The following RNF216 variants were observed in gnomAD, a reference collection of about 807,000 sequenced individuals.
The protein encoded by RNF216 is ring finger protein 216.
In RNF216, 72 loss-of-function variants were observed where a neutral mutation model predicts 110.8. The ratio of observed to expected loss-of-function variants is 0.65; its 90% confidence interval spans 0.54 to 0.79. The LOEUF (loss-of-function observed/expected upper bound fraction) is 0.79, where lower values mean the gene tolerates loss of function less well. RNF216 is among the 30% of genes least tolerant of loss of function. RNF216 has a pLI of 0.00. For missense variants in RNF216, 1,342 were observed against 1,141.2 expected, an observed-to-expected ratio of 1.18 and a Z score of -2.54; for synonymous variants, 495 against 407.5, an observed-to-expected ratio of 1.21 and a Z score of -2.59.
chr7:5,718,664 C>T (rs1411937187), intron 9 of RNF216, among the ~76,000 whole-genome samples: 1 of 151,742 alleles, frequency 6.6e-6, no homozygotes, highest in Admixed American at 6.6e-5. Flanking sequence ...AATTCTCGTG[C>T]CTCATCCTCC....
In RNF216 at chr7:5,623,028, GGGAGGCA is replaced by G. The variant is rs1562762972; in HGVS notation, c.2597_2603del (p.Leu866ProfsTer90). ...GGAAGTTGTTGAACACAGGCCGCAC[GGGAGGCA>G]GGGGGAAGGGTGGGTGCGCGAAGGC... On this transcript the variant is annotated frameshift_variant, in exon 17 of 17. Transcript: ENST00000389902. LOFTEE classifies it high-confidence loss of function. The G allele has an allele frequency of 6.2e-7, 1 of 1,614,064 alleles. No individual in the cohort carries two copies. Among genetic ancestry groups the G allele is most frequent in the Admixed American group, 1.7e-5 (1 of 60,008 alleles).
chr7:5,702,778 C>T (rs1456110089), intron 13 of RNF216, among the ~76,000 whole-genome samples: 1 of 152,150 alleles, frequency 6.6e-6, no homozygotes, highest in African/African-American at 2.4e-5. Flanking sequence ...AGTACTCAGA[C>T]ACAAGTAGAG....
At position 5,752,902 on chromosome 7, in the gene RNF216, G is replaced by T; in HGVS notation, c.145C>A (p.Pro49Thr). The part of the protein sequence containing the change: ...DEERIPMLVT[P>T]APQQHEEEDL... ...TCTTCTTCATGCTGCTGAGGAGCTGGGGTGACCAGCATTGGAATCCTTTCC... is the reference window on the plus strand; with the variant it reads ...TCTTCTTCATGCTGCTGAGGAGCTGTGGTGACCAGCATTGGAATCCTTTCC... The change falls in exon 3 of 17, where the codon CCA becomes ACA. Residue 49 changes from proline (P) to threonine (T), a missense_variant. Physicochemically the swap from Pro to Thr is conservative, Grantham distance 38. Coordinates refer to ENST00000389902, the MANE Select transcript of RNF216 (RefSeq NM_207111.4). The T allele has an allele frequency of 6.2e-7, 1 of 1,612,210 alleles. No individual in the cohort carries two copies. The highest frequency in any genetic ancestry group is 8.5e-7 in the Non-Finnish European group (1 of 1,179,262).
intron 3 of RNF216, among the ~76,000 whole-genome samples, chr7:5,749,839 T>C (rs1460748709): frequency 6.6e-6 from 1 of 152,184 alleles, no homozygotes; most frequent in Non-Finnish European, 1.5e-5. Flanking sequence ...ACAGCAAAAA[T>C]TAATTACATG....
chr7:5,656,687 G>T (rs926999508), intron 13 of RNF216, among the ~76,000 whole-genome samples: 1 of 152,154 alleles, frequency 6.6e-6, no homozygotes, highest in African/African-American at 2.4e-5. Flanking sequence ...AATACATTAA[G>T]GTGTTTTGGC....
intron 13 of RNF216, among the ~76,000 whole-genome samples, chr7:5,684,824 T>A (rs1466635484): frequency 6.7e-6 from 1 of 148,468 alleles, no homozygotes; most frequent in East Asian, 2.0e-4. Flanking sequence ...ATGACATGCC[T>A]CACATTTTTA....
chr7:5,724,614 C>G (rs1793637882), intron 8 of RNF216, among the ~76,000 whole-genome samples: 2 of 152,186 alleles, frequency 1.3e-5, no homozygotes, highest in Non-Finnish European at 1.5e-5. Flanking sequence ...AAGGGATTTT[C>G]TTTTAGAGCC....
chr7:5,641,503 A>C, intron 14 of RNF216, 127 bp from the exon 15 acceptor site: 1 of 753,438 alleles, frequency 1.3e-6, no homozygotes, highest in Non-Finnish European at 2.1e-6. Context: ...TTAAACAGTG[A>C]AAAGAGCCTA....
At chr7:5,774,233 C>T (rs754427225) in intron 1 of RNF216, among the ~76,000 whole-genome samples, 3 of 152,158 alleles carry the variant, frequency 2.0e-5, no homozygotes, top group Non-Finnish European at 4.4e-5. Context: ...TGTTCAATCT[C>T]CTAGGCCAAT....
intron 5 of RNF216, among the ~76,000 whole-genome samples, chr7:5,734,824 C>CT (rs1478609646): frequency 1.3e-3 from 49 of 37,774 alleles, no homozygotes; most frequent in Admixed American, 9.4e-3. Flanking sequence ...AACTCTCTCT[C>CT]AAAATAAATA....
At chr7:5,632,256 C>A (rs190980960) in intron 15 of RNF216, among the ~76,000 whole-genome samples, 49 of 152,362 alleles carry the variant, frequency 3.2e-4, no homozygotes, top group African/African-American at 1.2e-3. Context: ...CATGACAGAC[C>A]ATGGTGCATC....
At chr7:5,762,779 G>C (rs1796001477) in intron 1 of RNF216, among the ~76,000 whole-genome samples, 1 of 152,046 alleles carries the variant, frequency 6.6e-6, no homozygotes, top group Non-Finnish European at 1.5e-5. Flanking sequence ...ACTATTTCTG[G>C]GTAAGGGAGA....
rs1796499063 is a variant in RNF216, at chr7:5,771,641, C to CA, written c.-70+9899dup. Among the ~76,000 whole-genome samples the CA allele has an allele frequency of 2.0e-5, 3 of 151,634 alleles. No homozygotes were observed. In the East Asian group the frequency reaches 5.9e-4, roughly 30 times the overall value. The stretch of plus-strand genomic sequence containing the variant: ...GCAAAACCCATTTCTACAAAAAAAG[C>CA]AAAAAAATTTAGCCAGGCGCAGTAG... On this transcript the variant is annotated intron_variant, in intron 1 of 16. Transcript: ENST00000389902.
intron 15 of RNF216, among the ~76,000 whole-genome samples, chr7:5,630,504 G>A (rs1377132472): frequency 2.0e-5 from 3 of 152,056 alleles, no homozygotes; most frequent in African/African-American, 7.2e-5. Flanking sequence ...TAGGCTCCCC[G>A]AGTAGGTGGG....
intron 15 of RNF216, among the ~76,000 whole-genome samples, chr7:5,625,456 T>C (rs990038865): frequency 6.6e-6 from 1 of 152,206 alleles, no homozygotes; most frequent in Non-Finnish European, 1.5e-5. Flanking sequence ...TTCATGCCGA[T>C]CTGATGACAC....
intron 5 of RNF216, among the ~76,000 whole-genome samples, chr7:5,735,182 C>T (rs1394921843): frequency 6.6e-6 from 1 of 152,036 alleles, no homozygotes; most frequent in South Asian, 2.1e-4. Flanking sequence ...TTTGTGTAAT[C>T]CAAAAACTTC....
chr7:5,764,891 G>C (rs1291504979), intron 1 of RNF216, among the ~76,000 whole-genome samples: 1 of 151,894 alleles, frequency 6.6e-6, no homozygotes, highest in Non-Finnish European at 1.5e-5. Flanking sequence ...AACTTGGTGA[G>C]ACCCCATCTC....
At chr7:5,678,499 G>T (rs1790447098) in intron 13 of RNF216, among the ~76,000 whole-genome samples, 1 of 152,198 alleles carries the variant, frequency 6.6e-6, no homozygotes. Context: ...TGGTGGTCAG[G>T]AAAATGGCTC....
At chr7:5,733,929 G>C (rs1794238981) in intron 5 of RNF216, among the ~76,000 whole-genome samples, 1 of 152,136 alleles carries the variant, frequency 6.6e-6, no homozygotes, top group African/African-American at 2.4e-5. Context: ...TAAAAATGTA[G>C]TCATTGCTGC....
Sources: allele counts gnomAD v4.1 joint callset (sites outside exome capture counted in the v4.1 genomes callset), GRCh38; gene constraint gnomAD v4.1.1; transcripts MANE v1.5; gene names NCBI Gene and HGNC (gene_info 2026-07-23, HGNC 2026-07-21).